SCNN1G: variants seen among roughly 807,000 people sequenced by gnomAD.
SCNN1G encodes epithelial sodium channel subunit gamma.
SCNN1G carries 27 observed loss-of-function variants against 64.6 expected under a neutral mutation model. The observed-to-expected ratio is 0.42, with a 90% CI of 0.31 to 0.58. The LOEUF is 0.58. Ranked by LOEUF, SCNN1G falls within the 20% of genes least tolerant of loss-of-function variation. SCNN1G has a pLI of 0.18. For missense variants in SCNN1G, 743 were observed against 823.4 expected (o/e 0.90, Z 1.19); for synonymous variants, 330 against 314.2 (o/e 1.05, Z -0.53).
chr16:23,214,633 A>C, intron 11 of SCNN1G, 79 bp from the exon 12 acceptor site: 1 of 1,121,504 alleles, frequency 8.9e-7, no homozygotes, highest in Non-Finnish European at 1.4e-6. Flanking sequence ...CAGCTTGGGT[A>C]GGAGGGAGAC....
intron 7 of SCNN1G, among the ~76,000 whole-genome samples, chr16:23,211,348 G>C (rs1596777095): frequency 6.6e-6 from 1 of 152,168 alleles, no homozygotes; most frequent in Non-Finnish European, 1.5e-5. Context: ...AACATGGAGG[G>C]GTTGGGCTTG....
chr16:23,209,486 G>A (rs1021090017), intron 6 of SCNN1G, among the ~76,000 whole-genome samples: 3 of 152,058 alleles, frequency 2.0e-5, no homozygotes, highest in African/African-American at 7.2e-5. Context: ...TTATTTATTT[G>A]CTTGCTGACC....
At chr16:23,188,433 GC>G (rs1419956634) in intron 2 of SCNN1G, among the ~76,000 whole-genome samples, 1 of 152,072 alleles carries the variant, frequency 6.6e-6, no homozygotes, top group African/African-American at 2.4e-5. Flanking sequence ...GATTGCTTGA[GC>G]CCAGGAGTTC....
intron 5 of SCNN1G, 49 bp from the exon 6 acceptor site, chr16:23,197,215 G>A (rs1236895732): frequency 2.6e-6 from 4 of 1,550,470 alleles, no homozygotes; most frequent in Non-Finnish European, 2.7e-6. Flanking sequence ...TTACCCCCAG[G>A]AAATGTTTTC....
intron 5 of SCNN1G, 30 bp from the exon 6 acceptor site, chr16:23,197,234 G>A: frequency 6.2e-7 from 1 of 1,605,232 alleles, no homozygotes; most frequent in Non-Finnish European, 8.5e-7. Context: ...TCCTAGCCTT[G>A]GATCACAGCA....
rs368829072 is a variant in SCNN1G at position 23,212,797 on chromosome 16, G to T, written c.1374-40G>T. 3.1e-6 allele frequency: 5 copies of T among 1,613,730 alleles called. No homozygotes were observed. In the African/African-American group the frequency reaches 4.0e-5, roughly 13 times the overall value. On this transcript the variant is annotated intron_variant, in intron 9 of 12. Coordinates refer to ENST00000300061, the MANE Select transcript of SCNN1G (RefSeq NM_001039.4). ...GGGGTGAGACGGGTGGCTGGGTTGG[G>T]TTGGGCTGCCTACACTCATGCTGTC...
chr16:23,186,690 C>T, intron 2 of SCNN1G, 102 bp downstream of exon 2: 1 of 998,072 alleles, frequency 1.0e-6, no homozygotes. Context: ...AGGTCGATTC[C>T]AGCCTACAAA....
intron 6 of SCNN1G, among the ~76,000 whole-genome samples, chr16:23,203,489 G>T (rs529351300): frequency 5.3e-5 from 8 of 152,028 alleles, no homozygotes; most frequent in Admixed American, 6.5e-5. Flanking sequence ...CGCTCTGATG[G>T]GTCAGGCGCG....
At chr16:23,186,933 GGA>G (rs2141927698) in intron 2 of SCNN1G, among the ~76,000 whole-genome samples, 1 of 151,978 alleles carries the variant, frequency 6.6e-6, no homozygotes, top group East Asian at 1.9e-4. Flanking sequence ...CGAGTAGCTG[GGA>G]CTACAGGGGT....
intron 2 of SCNN1G, among the ~76,000 whole-genome samples, chr16:23,188,098 G>A (rs1022760333): frequency 6.6e-6 from 1 of 151,846 alleles, no homozygotes; most frequent in South Asian, 2.1e-4. Flanking sequence ...TCTATAAACT[G>A]TCATGCACTG....
chr16:23,189,014 G>A (rs528135394), intron 2 of SCNN1G, among the ~76,000 whole-genome samples: 1 of 152,132 alleles, frequency 6.6e-6, no homozygotes, highest in Non-Finnish European at 1.5e-5. Context: ...CTCCTGGTTG[G>A]CAGTTATTTA....
chr16:23,197,766 G>A (rs375873654), intron 6 of SCNN1G, among the ~76,000 whole-genome samples: 1 of 152,010 alleles, frequency 6.6e-6, no homozygotes, highest in East Asian at 1.9e-4. Context: ...TGTAATACCA[G>A]TTACTAGGGA....
Position 23,186,106 on chromosome 16 carries a change from G to A in SCNN1G, c.-44-122G>A, listed in dbSNP as rs1959601258. ...GAATGCAAAGTGCCTAAGCCACAGA[G>A]GAACAGAGGAAGGAGGTCTCTAAGG... is the stretch of plus-strand genomic sequence containing the variant. On this transcript the variant is annotated intron_variant, in intron 1 of 12. Transcript: ENST00000300061. The A allele has an allele frequency of 5.8e-6, 4 of 693,438 alleles. No homozygotes were observed. The Admixed American group carries it at 9.0e-5, about 16-fold the overall frequency. 43.0% of individuals were successfully genotyped at this position (693,438 alleles called of 1,614,324 possible).
intron 5 of SCNN1G, chr16:23,196,391 G>A (rs1403234794): frequency 6.6e-6 from 1 of 151,660 alleles, no homozygotes; most frequent in African/African-American, 2.4e-5. Flanking sequence ...AGGCAGGGCT[G>A]TATCATCATC....
chr16:23,214,973 TCCCAG>T, intron 12 of SCNN1G, 111 bp from the exon 13 acceptor site: 1 of 1,311,160 alleles, frequency 7.6e-7, no homozygotes, highest in Non-Finnish European at 1.1e-6. Context: ...TGCTTCTTCC[TCCCAG>T]CCTGTGCAGG....
intron 6 of SCNN1G, among the ~76,000 whole-genome samples, chr16:23,197,816 G>A (rs1198040047): frequency 6.6e-6 from 1 of 151,810 alleles, no homozygotes; most frequent in Non-Finnish European, 1.5e-5. Context: ...GGAGGAGGAG[G>A]TTGCAGTGGG....
Position 23,215,282 on chromosome 16 carries a change from C to T in SCNN1G, c.1763C>T (p.Pro588Leu), listed in dbSNP as rs1189124036. The T allele has an allele frequency of 6.2e-7, 1 of 1,614,192 alleles. No individual in the cohort carries two copies. The highest frequency in any genetic ancestry group is 1.1e-5 in the South Asian group (1 of 91,080). ...CCATGTCCAGAAGCTCCCCGTAGCC[C>T]ACAGGGCCAGGACAATCCAGCCCTG... The part of the protein sequence containing the change: ...APPCPEAPRS[P>L]QGQDNPALDI... The change falls in exon 13 of 13, where the codon CCA becomes CTA. Residue 588 changes from proline to leucine, a missense_variant. Coordinates refer to ENST00000300061, the MANE Select transcript of SCNN1G (RefSeq NM_001039.4).
At position 23,215,257 on chromosome 16, in the gene SCNN1G, C is replaced by T. The variant is rs1019380433; in HGVS notation, c.1738C>T (p.Pro580Ser). 5.6e-5 allele frequency: 91 copies of T among 1,614,196 alleles called. No individual in the cohort carries two copies. Among genetic ancestry groups the T allele is most frequent in the Non-Finnish European group, 7.3e-5 (86 of 1,180,032 alleles). ...GTGGTGGGCCTGGAAACAGGCTCCCCCATGTCCAGAAGCTCCCCGTAGCCC... is the reference window on the plus strand; with the variant it reads ...GTGGTGGGCCTGGAAACAGGCTCCCTCATGTCCAGAAGCTCCCCGTAGCCC... Reference protein sequence around the residue: ...KEWWAWKQAPPCPEAPRSPQG... With the variant: ...KEWWAWKQAPSCPEAPRSPQG... Residue 580 changes from proline (P) to serine (S), a missense_variant, in exon 13 of 13, where the codon CCA becomes TCA. Transcript: ENST00000300061.
chr16:23,214,744 A>G lies in SCNN1G; in HGVS notation c.1526A>G (p.Lys509Arg), dbSNP rs1370620441. The G allele has an allele frequency of 6.2e-7, 1 of 1,614,186 alleles. No homozygotes were observed. The highest frequency in any genetic ancestry group is 1.3e-5 in the African/African-American group (1 of 75,060). Reference sequence around the variant, plus strand: ...TTGGCCAAACTCTTGATATTCTACAAAGACCTGAACCAGAGATCCATCATG... The same window carrying G: ...TTGGCCAAACTCTTGATATTCTACAGAGACCTGAACCAGAGATCCATCATG... The part of the protein sequence containing the change: ...TDLAKLLIFY[K>R]DLNQRSIMES... The change falls in exon 12 of 13, where the codon AAA becomes AGA. Residue 509 changes from lysine (K) to arginine (R), a missense_variant. Transcript: ENST00000300061.
Sources: gnomAD v4.1 joint callset for allele counts (sites outside exome capture counted in the v4.1 genomes callset) on GRCh38, gnomAD v4.1.1 for gene constraint, MANE v1.5 for transcripts, NCBI Gene and HGNC (gene_info 2026-07-23, HGNC 2026-07-21) for gene names.